SLC1A6: variants seen among roughly 807,000 people sequenced by gnomAD.
SLC1A6 encodes the protein solute carrier family 1 member 6.
Under a neutral mutation model 42.1 loss-of-function variants are expected in SLC1A6, and 15 were observed. The ratio of observed to expected loss-of-function variants is 0.36; its 90% CI spans 0.24 to 0.55. The LOEUF is 0.55. SLC1A6 is among the 20% of genes least tolerant of loss of function. SLC1A6 has a pLI of 0.88. For synonymous variants in SLC1A6, 317 were observed against 319.7 expected, an observed-to-expected ratio of 0.99 and a Z score of 0.09; for missense variants, 542 against 772.5, an observed-to-expected ratio of 0.70 and a Z score of 3.54.
At chr19:14,964,787 C>T (rs1033145903) in intron 4 of SLC1A6, among the ~76,000 whole-genome samples, 4 of 152,136 alleles carry the variant, frequency 2.6e-5, no homozygotes, top group African/African-American at 7.2e-5. Flanking sequence ...TTCGTCTAGG[C>T]CCATGATTAA....
chr19:15,009,975 C>T (rs59222569), intron 1 of SLC1A6, among the ~76,000 whole-genome samples: 36,591 of 150,944 alleles, frequency 0.24, 4,663 homozygotes, highest in African/African-American at 0.28. Context: ...GTCAGGAGTT[C>T]GAGACCAGCC....
At chr19:15,006,678 C>A (rs181330846) in intron 1 of SLC1A6, among the ~76,000 whole-genome samples, 1 of 151,354 alleles carries the variant, frequency 6.6e-6, no homozygotes, top group Non-Finnish European at 1.5e-5. Context: ...AATCCCAGCA[C>A]CTTTGTAGGC....
chr19:15,000,127 G>A (rs900160476), intron 1 of SLC1A6, among the ~76,000 whole-genome samples: 8 of 151,952 alleles, frequency 5.3e-5, no homozygotes, highest in East Asian at 1.9e-4. Context: ...AGTGTTCTGC[G>A]CATGTTTAAG....
intron 5 of SLC1A6, 109 bp downstream of exon 5, chr19:14,964,210 T>A (rs2045548274): frequency 1.1e-6 from 1 of 874,316 alleles, no homozygotes; most frequent in Non-Finnish European, 1.9e-6. Context: ...CCCTGCCCAT[T>A]GCTCTGTCAG....
In SLC1A6 at chr19:15,000,874, C is replaced by T. The variant is rs184823970; in HGVS notation, c.6+9611G>A. On this transcript the variant is annotated intron_variant, in intron 1 of 8. Transcript: ENST00000430939. ...CTAATTCCAAATAACATCACATTCACATGTACCACAGGGGAGGACTCCAAC... is the reference window on the plus strand; with the variant it reads ...CTAATTCCAAATAACATCACATTCATATGTACCACAGGGGAGGACTCCAAC... 2.9e-3 allele frequency among the ~76,000 whole-genome samples: 444 copies of T among 152,320 alleles called. 3 individuals carry two copies. The highest frequency in any genetic ancestry group is 0.014 in the Middle Eastern group (4 of 294).
chr19:14,969,588 C>T (rs1182960531), intron 3 of SLC1A6, among the ~76,000 whole-genome samples: 8 of 152,234 alleles, frequency 5.3e-5, no homozygotes. Flanking sequence ...GTCCCACTTC[C>T]TTCACTTCCT....
intron 8 of SLC1A6, among the ~76,000 whole-genome samples, chr19:14,953,763 A>G (rs2045434869): frequency 6.6e-6 from 1 of 152,134 alleles, no homozygotes; most frequent in Admixed American, 6.6e-5. Context: ...CTAAGTTGGA[A>G]CCACTGGATG....
rs780334185 is a variant in SLC1A6 at position 14,962,030 on chromosome 19, T to C, written c.907A>G (p.Ile303Val). The change falls in exon 6 of 10, where the codon ATT becomes GTT. Residue 303 changes from isoleucine to valine, a missense_variant. By Grantham distance (29) the Ile-to-Val change is conservative (BLOSUM62 3). Transcript: ENST00000594383. ...RDFFDSLNEA[I>V]MRLVGIIIWY... ...ATAATGATGCCCACCAGCCTCATAA[T>C]AGCCTCATTGAGGCTGTCGAAGAAG... 3.1e-6 allele frequency: 5 copies of C among 1,613,574 alleles called. No homozygotes were observed. The highest frequency in any genetic ancestry group is 3.4e-6 in the Non-Finnish European group (4 of 1,179,490).
Position 14,950,193 on chromosome 19 carries a change from C to T in SLC1A6, c.*2G>A, listed in dbSNP as rs2045397390. 2 of 1,541,576 alleles carry T rather than the reference C, an allele frequency of 1.3e-6. No homozygotes were observed. The highest frequency in any genetic ancestry group is 1.8e-6 in the Non-Finnish European group (2 of 1,138,002). ...CTCTGGGGGGGCAGAGCTGGAGGCC[C>T]CTCACATAGCACTCTCGTTGCCTCC... On this transcript the variant is annotated 3_prime_UTR_variant, in exon 10 of 10. Transcript: ENST00000594383.
In SLC1A6 at chr19:15,009,667, A is replaced by T. The variant is rs537759100; in HGVS notation, c.6+818T>A. ...CTACCTATTGGCTACAATGTACACT[A>T]TTTGGGTGATGATTGCACTAAAAGC... On this transcript the variant is annotated intron_variant, in intron 1 of 8. Transcript: ENST00000430939. Among the ~76,000 whole-genome samples the T allele has an allele frequency of 3.9e-5, 6 of 152,252 alleles. No individual in the cohort carries two copies. The Middle Eastern group carries it at 0.01, about 259-fold the overall frequency.
chr19:14,999,420 T>C (rs763427472), intron 1 of SLC1A6, among the ~76,000 whole-genome samples: 2 of 152,214 alleles, frequency 1.3e-5, no homozygotes, highest in Non-Finnish European at 2.9e-5. Flanking sequence ...GTCGACCCAA[T>C]GTACACTTAA....
chr19:14,975,791 GGGAAGGGAAC>G (rs1219220363), intron 1 of SLC1A6, among the ~76,000 whole-genome samples: 1 of 147,646 alleles, frequency 6.8e-6, no homozygotes, highest in African/African-American at 2.5e-5. Flanking sequence ...AAAGAAAGGA[GGGAAGGGAAC>G]GGAAGGGAAG....
intron 5 of SLC1A6, 88 bp from the exon 6 acceptor site, chr19:14,962,433 G>T (rs2301854): frequency 7.7e-5 from 66 of 859,916 alleles, no homozygotes; most frequent in Non-Finnish European, 1.2e-4. Context: ...CTGATTCCCA[G>T]TTCCCACACC....
At chr19:14,968,025 T>C (rs1267042696) in intron 4 of SLC1A6, among the ~76,000 whole-genome samples, 1 of 152,220 alleles carries the variant, frequency 6.6e-6, no homozygotes, top group Non-Finnish European at 1.5e-5. Context: ...CATGGGGTCA[T>C]ATGTTACATG....
intron 1 of SLC1A6, among the ~76,000 whole-genome samples, chr19:14,990,996 G>T (rs1037604724): frequency 1.4e-4 from 21 of 152,058 alleles, no homozygotes; most frequent in African/African-American, 4.6e-4. Context: ...AAAACATCAT[G>T]CTGTACACAA....
chr19:14,971,794 G>T lies in SLC1A6; in HGVS notation c.286C>A (p.Leu96Met). ...IKYFSFPGEL[L>M]MRMLQMLVLP... Reference sequence around the variant, plus strand: ...ACCAGCATCTGCAGCATCCTCATCAGAAGCTCTCCAGGAAAAGAGAAGTAC... The same window carrying T: ...ACCAGCATCTGCAGCATCCTCATCATAAGCTCTCCAGGAAAAGAGAAGTAC... Residue 96 changes from leucine to methionine, a missense_variant, in exon 3 of 10, where the codon CTG becomes ATG. This residue lies in a region of SLC1A6 where 4 missense variants were observed against 25.0 expected (regional missense o/e 0.16). Coordinates refer to ENST00000594383, the MANE Select transcript of SLC1A6 (RefSeq NM_005071.3). 1 of 1,614,206 alleles carries T rather than the reference G, an allele frequency of 6.2e-7. No individual in the cohort carries two copies. Among genetic ancestry groups the T allele is most frequent in the Non-Finnish European group, 8.5e-7 (1 of 1,180,024 alleles).
intron 3 of SLC1A6, among the ~76,000 whole-genome samples, chr19:14,970,145 A>G (rs1449102601): frequency 6.6e-6 from 1 of 152,120 alleles, no homozygotes; most frequent in East Asian, 1.9e-4. Flanking sequence ...GTGCCATCAC[A>G]GCTCGCTGCA....
At chr19:14,986,176 C>T (rs557114208) in intron 1 of SLC1A6, among the ~76,000 whole-genome samples, 4 of 151,596 alleles carry the variant, frequency 2.6e-5, no homozygotes, top group Middle Eastern at 3.4e-3. Context: ...CCATACTTCC[C>T]GTTGCATCAC....
At chr19:14,955,233 T>C (rs1203238093) in intron 7 of SLC1A6, among the ~76,000 whole-genome samples, 2 of 152,186 alleles carry the variant, frequency 1.3e-5, no homozygotes, top group Admixed American at 1.3e-4. Context: ...CAGTCTTACC[T>C]AGCCATAGAC....
Sources: allele counts gnomAD v4.1 joint callset (sites outside exome capture counted in the v4.1 genomes callset), GRCh38; gene constraint gnomAD v4.1.1; regional missense constraint gnomAD v4.1.1; transcripts MANE v1.5; gene names NCBI Gene and HGNC (gene_info 2026-07-23, HGNC 2026-07-21).